Variants in SNRPA observed in about 807,000 individuals in gnomAD.
SNRPA encodes U1 small nuclear ribonucleoprotein A.
SNRPA carries 10 observed loss-of-function variants against 24.5 expected under a neutral mutation model. The ratio of observed to expected loss-of-function variants is 0.41; its 90% CI spans 0.25 to 0.69. The LOEUF is 0.69. SNRPA is among the 30% of genes least tolerant of loss of function. The probability of loss-of-function intolerance (pLI) is 0.33; values close to 1 mark genes in which losing one functional copy is unlikely to be tolerated. For synonymous variants in SNRPA, 165 were observed against 148.4 expected (o/e 1.11, Z -0.81); for missense variants, 283 against 394.7 (o/e 0.72, Z 2.40).
intron 2 of SNRPA, among the ~76,000 whole-genome samples, chr19:40,758,071 A>G (rs1390887352): frequency 6.6e-6 from 1 of 151,746 alleles, no homozygotes; most frequent in Non-Finnish European, 1.5e-5. Context: ...GGTTCAAGTG[A>G]TTCTCCTGCC....
At chr19:40,753,309 C>T (rs1015896966) in intron 1 of SNRPA, among the ~76,000 whole-genome samples, 5 of 147,522 alleles carry the variant, frequency 3.4e-5, no homozygotes, top group African/African-American at 5.0e-5. Flanking sequence ...GAGCTGAGAC[C>T]GCACCACTGT....
intron 2 of SNRPA, among the ~76,000 whole-genome samples, chr19:40,759,118 T>C (rs1599728305): frequency 6.6e-6 from 1 of 151,142 alleles, no homozygotes; most frequent in African/African-American, 2.4e-5. Flanking sequence ...TGAGGCAGAA[T>C]TGCTTGAACC....
intron 3 of SNRPA, 32 bp downstream of exon 3, chr19:40,759,642 C>A: frequency 6.4e-7 from 1 of 1,565,500 alleles, no homozygotes; most frequent in South Asian, 1.1e-5. Context: ...AACCCTCCCA[C>A]TGCCAGACCT....
At chr19:40,757,525 G>A (rs2082913605) in intron 2 of SNRPA, 21 bp downstream of exon 2, 1 of 1,593,504 alleles carries the variant, frequency 6.3e-7, no homozygotes, top group African/African-American at 1.4e-5. Flanking sequence ...CGGGTACGGA[G>A]GCTGTGTGGG....
chr19:40,757,466 C>T lies in SNRPA; in HGVS notation c.208C>T (p.Arg70Cys), dbSNP rs1411740715. Residue 70 changes from arginine to cysteine, a missense_variant, in exon 2 of 6, where the codon CGC becomes TGC. Arg to Cys is a radical substitution (Grantham distance 180, BLOSUM62 -3). Coordinates refer to ENST00000243563, the MANE Select transcript of SNRPA (RefSeq NM_004596.5). Reference protein sequence around the residue: ...KEVSSATNALRSMQGFPFYDK... With the variant: ...KEVSSATNALCSMQGFPFYDK... ...GGTCAGCAGCGCCACCAACGCCCTG[C>T]GCTCCATGCAGGGTTTCCCTTTCTA... 4 of 1,613,794 alleles carry T rather than the reference C, an allele frequency of 2.5e-6. No homozygotes were observed. The highest frequency in any genetic ancestry group is 8.5e-7 in the Non-Finnish European group (1 of 1,179,922).
At chr19:40,761,080 C>G (rs1287288921) in intron 3 of SNRPA, among the ~76,000 whole-genome samples, 2 of 151,446 alleles carry the variant, frequency 1.3e-5, no homozygotes, top group Non-Finnish European at 2.9e-5. Flanking sequence ...TCTGCCTCAG[C>G]CTCCCAAGTA....
rs57361537 is a variant in SNRPA, at chr19:40,754,100, G to GTTT, written c.73+2633_73+2635dup. ...ACAGGCGTCAGCCCCAGCGCCCGGC[G>GTTT]TTTTTTTTTTTTTTTTGAGATGAGA... On this transcript the variant is annotated intron_variant, in intron 1 of 5. Coordinates refer to ENST00000243563, the MANE Select transcript of SNRPA (RefSeq NM_004596.5). 3.0e-3 allele frequency among the ~76,000 whole-genome samples: 358 copies of GTTT among 117,974 alleles called. 16 individuals carry two copies. Among genetic ancestry groups the GTTT allele is most frequent in the Middle Eastern group, 0.023 (4 of 172 alleles). 77.4% of individuals were successfully genotyped at this position (117,974 alleles called of 152,430 possible). A position where few individuals can be genotyped will look rare whatever the true frequency, so the allele number is the denominator to read the frequency against.
At chr19:40,759,033 C>G (rs2082919911) in intron 2 of SNRPA, among the ~76,000 whole-genome samples, 1 of 151,220 alleles carries the variant, frequency 6.6e-6, no homozygotes, top group Non-Finnish European at 1.5e-5. Flanking sequence ...CATGGTGAAA[C>G]CCTGTCTCTA....
intron 1 of SNRPA, chr19:40,757,112 T>A: frequency 1.8e-6 from 1 of 555,556 alleles, no homozygotes. Flanking sequence ...TGTGCACATG[T>A]TCATTATATA....
chr19:40,757,282 C>T lies in SNRPA; in HGVS notation c.74-50C>T, dbSNP rs370523398. On this transcript the variant is annotated intron_variant, in intron 1 of 5. Coordinates refer to ENST00000243563, the MANE Select transcript of SNRPA (RefSeq NM_004596.5). The stretch of plus-strand genomic sequence containing the variant: ...GGCTGATGGTCTTCTATTTGGGCTG[C>T]GCTTCTTCTAAAAAGGGGAGCTCAA... 3.1e-4 allele frequency: 483 copies of T among 1,583,600 alleles called. 1 individual carries two copies. The Middle Eastern group carries it at 4.2e-3, about 14-fold the overall frequency.
chr19:40,757,154 G>C, intron 1 of SNRPA, 178 bp from the exon 2 acceptor site: 1 of 611,546 alleles, frequency 1.6e-6, no homozygotes. Flanking sequence ...TTACAGAAGA[G>C]TAGAAGAGTG....
At chr19:40,757,577 G>C in intron 2 of SNRPA, 73 bp downstream of exon 2, 3 of 1,388,396 alleles carry the variant, frequency 2.2e-6, no homozygotes, top group South Asian at 1.4e-5. Flanking sequence ...CTGGATTAGA[G>C]GAGGGGATAT....
Position 40,763,079 on chromosome 19 carries a change from G to C in SNRPA, c.600+5G>C. Reference sequence around the variant, plus strand: ...CAGATGCCCCCTGCCCAGCCTGTGAGTATCTAGTCCCACCCACCAGGTCTC... The same window carrying C: ...CAGATGCCCCCTGCCCAGCCTGTGACTATCTAGTCCCACCCACCAGGTCTC... On this transcript the variant is annotated splice_donor_5th_base_variant and intron_variant, in intron 4 of 5. Coordinates refer to ENST00000243563, the MANE Select transcript of SNRPA (RefSeq NM_004596.5). The C allele has an allele frequency of 6.4e-7, 1 of 1,554,932 alleles. No individual in the cohort carries two copies. Among genetic ancestry groups the C allele is most frequent in the Non-Finnish European group, 8.7e-7 (1 of 1,150,824 alleles).
chr19:40,754,001 C>T (rs1032840617), intron 1 of SNRPA, among the ~76,000 whole-genome samples: 7 of 151,520 alleles, frequency 4.6e-5, no homozygotes, highest in African/African-American at 7.3e-5. Context: ...AGGGGTTTAA[C>T]CATGTTAGCC....
Position 40,764,249 on chromosome 19 carries a change from G to C in SNRPA, c.689+574G>C, listed in dbSNP as rs2082945177. ...TCAGTGTTTGTGGTGGGGAGTTGGA[G>C]GGTGTCTGGGAGAAGGGATGGCTAC... On this transcript the variant is annotated intron_variant, in intron 5 of 5. Coordinates refer to ENST00000243563, the MANE Select transcript of SNRPA (RefSeq NM_004596.5). 2.6e-5 allele frequency among the ~76,000 whole-genome samples: 4 copies of C among 152,246 alleles called. No homozygotes were observed. In the South Asian group the frequency reaches 8.3e-4, roughly 32 times the overall value.
At chr19:40,763,901 T>C (rs1465200933) in intron 5 of SNRPA, among the ~76,000 whole-genome samples, 2 of 152,090 alleles carry the variant, frequency 1.3e-5, no homozygotes, top group Non-Finnish European at 2.9e-5. Context: ...CTTGCCGGCT[T>C]TTTTCAGCCT....
chr19:40,764,464 G>T (rs1472962026), intron 5 of SNRPA, among the ~76,000 whole-genome samples: 1 of 152,158 alleles, frequency 6.6e-6, no homozygotes, highest in Non-Finnish European at 1.5e-5. Context: ...GTAAACATGA[G>T]GATGGCTGCT....
chr19:40,756,675 G>A (rs1203858684), intron 1 of SNRPA, among the ~76,000 whole-genome samples: 1 of 152,032 alleles, frequency 6.6e-6, no homozygotes, highest in African/African-American at 2.4e-5. Flanking sequence ...CAGGCTTATA[G>A]CTCCTCAGGC....
In SNRPA at chr19:40,761,552, C is replaced by T. The variant is rs142838080; in HGVS notation, c.427-1349C>T. Among the ~76,000 whole-genome samples the T allele has an allele frequency of 1.3e-3, 184 of 138,846 alleles. 7 individuals carry two copies. The East Asian group carries it at 0.032, about 24-fold the overall frequency. 91.1% of individuals were successfully genotyped at this position (138,846 alleles called of 152,430 possible). On this transcript the variant is annotated intron_variant, in intron 3 of 5. Coordinates refer to ENST00000243563, the MANE Select transcript of SNRPA (RefSeq NM_004596.5). ...TGTGATCTCAGCTCTCTGCAACCTG[C>T]GCTTCCTGGGTTCAAGCGAGTCTCC...
Sources: gnomAD v4.1 joint callset for allele counts (sites outside exome capture counted in the v4.1 genomes callset) on GRCh38, gnomAD v4.1.1 for gene constraint, MANE v1.5 for transcripts, NCBI Gene and HGNC (gene_info 2026-07-23, HGNC 2026-07-21) for gene names.